The following LRRC43 variants were observed in gnomAD, a reference collection of about 807,000 sequenced individuals.
LRRC43 encodes the protein leucine rich repeat containing 43, also known as leucine-rich repeat-containing protein 43.
Under a neutral mutation model 64.3 loss-of-function variants are expected in LRRC43, and 62 were observed. The observed-to-expected ratio is 0.96, with a 90% CI of 0.79 to 1.19. LRRC43 has a LOEUF of 1.19. LRRC43 is among the 50% of genes most tolerant of loss of function. LRRC43 has a pLI of 0.00. For missense variants in LRRC43, 868 were observed against 845.0 expected (o/e 1.03, Z -0.34); for synonymous variants, 422 against 382.3 (o/e 1.10, Z -1.21).
At position 122,169,481 on chromosome 12, in the gene LRRC43, C is replaced by T. The variant is rs542330620; in HGVS notation, c.-406+1699C>T. On this transcript the variant is annotated intron_variant, in intron 1 of 5. Transcript: ENST00000537729. ...CTGTAATTCCAGCACTTTGGGAGGC[C>T]GAGACAGGTGGATCACGAGGTCAGG... 8.6e-5 allele frequency among the ~76,000 whole-genome samples: 13 copies of T among 151,888 alleles called. No homozygotes were observed. The South Asian group carries it at 2.5e-3, about 29-fold the overall frequency.
At chr12:122,174,399 G>A (rs1953518956) in intron 1 of LRRC43, among the ~76,000 whole-genome samples, 1 of 152,224 alleles carries the variant, frequency 6.6e-6, no homozygotes, top group Non-Finnish European at 1.5e-5. Context: ...CCTCCAGGTG[G>A]GCAGATGCCT....
upstream of LRRC43, among the ~76,000 whole-genome samples, chr12:122,178,489 G>T (rs1336946071): frequency 1.3e-5 from 2 of 152,082 alleles, no homozygotes; most frequent in African/African-American, 4.8e-5. Flanking sequence ...CCAAAGGTGA[G>T]GGTGAGAAGA....
chr12:122,189,688 C>T (rs1168547598), intron 4 of LRRC43, among the ~76,000 whole-genome samples: 1 of 152,158 alleles, frequency 6.6e-6, no homozygotes, highest in African/African-American at 2.4e-5. Context: ...TGGCTCCCTC[C>T]TCCCACTCCC....
intron 4 of LRRC43, chr12:122,189,377 G>A (rs1158827031): frequency 2.2e-6 from 1 of 455,556 alleles, no homozygotes; most frequent in Admixed American, 2.4e-5. Context: ...TCTGACCCTG[G>A]TTTCCTCTTC....
At chr12:122,179,969 C>CAAA (rs59930172), upstream of LRRC43, among the ~76,000 whole-genome samples, 7 of 46,620 alleles carry the variant, frequency 1.5e-4, no homozygotes, top group African/African-American at 3.2e-4. Flanking sequence ...GACTCCGTCT[C>CAAA]AAAAAAAAAA....
upstream of LRRC43, among the ~76,000 whole-genome samples, chr12:122,181,973 T>C (rs372106565): frequency 6.6e-5 from 10 of 152,294 alleles, no homozygotes; most frequent in South Asian, 1.5e-3. Flanking sequence ...GATGTTAATG[T>C]GTTCCTCCAA....
At position 122,192,895 on chromosome 12, in the gene LRRC43, C is replaced by T; in HGVS notation, c.1240C>T (p.Leu414=). The T allele has an allele frequency of 3.1e-6, 5 of 1,614,140 alleles. No individual in the cohort carries two copies. The highest frequency in any genetic ancestry group is 3.4e-6 in the Non-Finnish European group (4 of 1,180,036). ...SEVEESGESE[L]SVISGPSTIL... ...GGTGGAGGAGTCAGGAGAGTCGGAG[C>T]TGTCTGTCATCTCGGGGCCTTCGAC... Residue 414 remains leucine (L), a synonymous_variant, in exon 7 of 12, where the codon CTG becomes TTG. Coordinates refer to ENST00000339777, the MANE Select transcript of LRRC43 (RefSeq NM_001098519.2).
intron 11 of LRRC43, 87 bp from the exon 12 acceptor site, chr12:122,203,228 G>A: frequency 6.7e-7 from 1 of 1,489,360 alleles, no homozygotes; most frequent in Non-Finnish European, 9.1e-7. Context: ...ACAGGGTCCA[G>A]GGCTTGCATA....
chr12:122,171,016 C>T (rs79330252), intron 1 of LRRC43, among the ~76,000 whole-genome samples: 1,548 of 152,262 alleles, frequency 0.01, 13 homozygotes, highest in Admixed American at 0.016. Flanking sequence ...GTTTTGAGTC[C>T]GGGTGATCTC....
At chr12:122,174,203 G>C in intron 1 of LRRC43, 1 of 1,613,942 alleles carries the variant, frequency 6.2e-7, no homozygotes, top group Non-Finnish European at 8.5e-7. Flanking sequence ...GCTTCAGTGG[G>C]GGCTTCTGGA....
At chr12:122,187,992 C>T (rs1030549298) in intron 4 of LRRC43, 152 bp downstream of exon 4, 1 of 748,210 alleles carries the variant, frequency 1.3e-6, no homozygotes, top group Admixed American at 2.9e-5. Flanking sequence ...TTCTCTGAAT[C>T]CCCCTTCAGT....
In LRRC43 at chr12:122,191,471, C is replaced by T. The variant is rs571850124; in HGVS notation, c.993C>T (p.Pro331=). The change falls in exon 6 of 12, where the codon CCC becomes CCT. Residue 331 remains proline (P), a synonymous_variant. Transcript: ENST00000339777. ...CTGTCTTAGACCCGGAACCCAGGCC[C>T]GAAGGCCCTTTCATCACTTACAACT... ...DTSVLDPEPR[P]EGPFITYNYY... is the part of the protein sequence containing the mutation. The T allele has an allele frequency of 9.9e-6, 16 of 1,614,070 alleles. No homozygotes were observed. Among genetic ancestry groups the T allele is most frequent in the South Asian group, 5.5e-5 (5 of 91,078 alleles).
rs142760648 is a variant in LRRC43, at chr12:122,190,589, G to A, written c.901+221G>A. Among the ~76,000 whole-genome samples the A allele has an allele frequency of 6.5e-3, 994 of 152,324 alleles. 4 individuals are homozygous for A. The highest frequency in any genetic ancestry group is 0.019 in the Admixed American group (286 of 15,292). ...CAGAAGTGATAGGGGGAGGCCGGGC[G>A]CGGTGGCTAACGCCTGTAATCCCAG... is the stretch of plus-strand genomic sequence containing the variant. On this transcript the variant is annotated intron_variant, in intron 5 of 11. Transcript: ENST00000339777.
At chr12:122,193,062 G>C (rs1953737074) in intron 7 of LRRC43, 58 bp downstream of exon 7, 2 of 1,565,450 alleles carry the variant, frequency 1.3e-6, no homozygotes, top group Non-Finnish European at 8.7e-7. Flanking sequence ...CACGAGCCTA[G>C]ACCACACTGC....
At chr12:122,178,381 C>T (rs757205112), upstream of LRRC43, among the ~76,000 whole-genome samples, 5 of 152,092 alleles carry the variant, frequency 3.3e-5, no homozygotes, top group South Asian at 2.1e-4. Flanking sequence ...GGTGTCCACC[C>T]GTGATCTGGA....
At chr12:122,183,585 G>A (rs1051091084) in intron 1 of LRRC43, among the ~76,000 whole-genome samples, 1 of 152,196 alleles carries the variant, frequency 6.6e-6, no homozygotes, top group Non-Finnish European at 1.5e-5. Context: ...CTTTTGGGGT[G>A]AAAAGCTTTT....
intron 1 of LRRC43, among the ~76,000 whole-genome samples, chr12:122,176,788 G>A (rs548118168): frequency 5.3e-5 from 8 of 151,908 alleles, no homozygotes; most frequent in Non-Finnish European, 1.2e-4. Context: ...CTGAGTAGCT[G>A]GGATCACAGG....
At chr12:122,177,812 T>TTTGTTTTA (rs1953550386) in intron 1 of LRRC43, among the ~76,000 whole-genome samples, 1 of 138,420 alleles carries the variant, frequency 7.2e-6, no homozygotes, top group Non-Finnish European at 1.5e-5. Context: ...ACCTTTGTGG[T>TTTGTTTTA]TTTATTTATT....
At chr12:122,199,540 C>T (rs899257510) in intron 7 of LRRC43, among the ~76,000 whole-genome samples, 2 of 151,822 alleles carry the variant, frequency 1.3e-5, no homozygotes, top group African/African-American at 4.8e-5. Flanking sequence ...CCTCTGCCTC[C>T]CAAAGTGCTG....
Sources: allele counts gnomAD v4.1 joint callset (sites outside exome capture counted in the v4.1 genomes callset), GRCh38; gene constraint gnomAD v4.1.1; transcripts MANE v1.5; gene names NCBI Gene and HGNC (gene_info 2026-07-23, HGNC 2026-07-21).